L3MBTL1: variants seen among roughly 807,000 people sequenced by gnomAD.
L3MBTL1 encodes lethal(3)malignant brain tumor-like protein 1.
Under a neutral mutation model 105.3 loss-of-function variants are expected in L3MBTL1, and 75 were observed. The observed-to-expected ratio is 0.71, with a 90% CI of 0.59 to 0.86. The LOEUF (loss-of-function observed/expected upper bound fraction) is 0.86, where lower values mean the gene tolerates loss of function less well. Among genes scored for constraint, L3MBTL1 ranks in the 40% least tolerant of loss-of-function variants. The probability of loss-of-function intolerance (pLI) is 0.00; values close to 1 mark genes in which losing one functional copy is unlikely to be tolerated. For missense variants in L3MBTL1, 1,069 were observed against 1,126.4 expected, an observed-to-expected ratio of 0.95 and a Z score of 0.73; for synonymous variants, 452 against 436.2, an observed-to-expected ratio of 1.04 and a Z score of -0.45.
At chr20:43,540,851 G>C (rs1355191707) in intron 21 of L3MBTL1, 36 bp downstream of exon 21, 2 of 1,612,436 alleles carry the variant, frequency 1.2e-6, no homozygotes, top group Non-Finnish European at 1.7e-6. Flanking sequence ...ACAGAGCCGG[G>C]GTCACTGTCC....
rs2018210332 is a variant in L3MBTL1, at chr20:43,513,891, C to T, written c.190C>T (p.Pro64Ser). The T allele has an allele frequency of 6.4e-7, 1 of 1,550,616 alleles. No individual in the cohort carries two copies. Among genetic ancestry groups the T allele is most frequent in the Non-Finnish European group, 8.7e-7 (1 of 1,146,994 alleles). ...CAGTGCCCTGGATGTGTCTTGCTTTCCCCGGGAGCCAATCCATGTGGGTGC... is the reference window on the plus strand; with the variant it reads ...CAGTGCCCTGGATGTGTCTTGCTTTTCCCGGGAGCCAATCCATGTGGGTGC... ...PSSALDVSCF[P>S]REPIHVGAPE... Residue 64 changes from proline to serine, a missense_variant, in exon 3 of 22, where the codon CCC (proline) becomes TCC (serine). Coordinates refer to ENST00000418998, the MANE Select transcript of L3MBTL1 (RefSeq NM_001377303.1).
At position 43,510,406 on chromosome 20, in the gene L3MBTL1, C is replaced by CTTTTTTT. The variant is rs11476429; in HGVS notation, c.-29+2672_-29+2678dup. 1.8e-4 allele frequency among the ~76,000 whole-genome samples: 23 copies of CTTTTTTT among 127,574 alleles called. 1 individual carries two copies. The highest frequency in any genetic ancestry group is 7.3e-4 in the South Asian group (3 of 4,084). 83.7% of individuals were successfully genotyped at this position (127,574 alleles called of 152,430 possible). A position where few individuals can be genotyped will look rare whatever the true frequency, so the allele number is the denominator to read the frequency against. On this transcript the variant is annotated intron_variant, in intron 1 of 21. Coordinates refer to ENST00000418998, the MANE Select transcript of L3MBTL1 (RefSeq NM_001377303.1). ...TATAATTTTCTTTCTTTCTTTCTTT[C>CTTTTTTT]TTTTTTTTTTTTTTTTGAGGTGGAG...
chr20:43,508,571 C>T (rs887203611), intron 1 of L3MBTL1, among the ~76,000 whole-genome samples: 1 of 152,238 alleles, frequency 6.6e-6, no homozygotes, highest in Non-Finnish European at 1.5e-5. Flanking sequence ...TTGAGAAAAC[C>T]TTGTCAGACA....
intron 11 of L3MBTL1, 195 bp from the exon 12 acceptor site, chr20:43,532,578 A>G: frequency 1.8e-6 from 1 of 564,018 alleles, no homozygotes; most frequent in Non-Finnish European, 3.1e-6. Context: ...TGGAGGCCAG[A>G]GGTTCCTGAG....
intron 20 of L3MBTL1, 65 bp downstream of exon 20, chr20:43,540,373 T>G: frequency 6.3e-7 from 1 of 1,577,762 alleles, no homozygotes; most frequent in Non-Finnish European, 8.6e-7. Context: ...CATACCCTGG[T>G]GGAAAGGCCC....
At chr20:43,525,551 T>C (rs1424095659) in intron 7 of L3MBTL1, among the ~76,000 whole-genome samples, 4 of 131,812 alleles carry the variant, frequency 3.0e-5, no homozygotes, top group Non-Finnish European at 5.4e-5. Context: ...GCACAGATTA[T>C]ACAACCATAC....
intron 7 of L3MBTL1, among the ~76,000 whole-genome samples, chr20:43,518,948 C>A (rs2018558136): frequency 6.8e-6 from 1 of 147,480 alleles, no homozygotes; most frequent in African/African-American, 2.5e-5. Flanking sequence ...ATAGCTTGAA[C>A]CTGGGAGGAG....
intron 7 of L3MBTL1, among the ~76,000 whole-genome samples, chr20:43,517,737 G>A (rs556303476): frequency 2.0e-5 from 3 of 152,202 alleles, no homozygotes; most frequent in East Asian, 1.9e-4. Context: ...TGTCTTTCCC[G>A]TCCCACAGAG....
chr20:43,538,202 G>A (rs929898265), intron 19 of L3MBTL1, among the ~76,000 whole-genome samples: 1 of 152,132 alleles, frequency 6.6e-6, no homozygotes, highest in African/African-American at 2.4e-5. Context: ...AACTGCAGTG[G>A]GCACCTCTTG....
chr20:43,515,923 AG>A, intron 6 of L3MBTL1, 169 bp from the exon 7 acceptor site: 1 of 598,630 alleles, frequency 1.7e-6, no homozygotes, highest in Non-Finnish European at 3.0e-6. Flanking sequence ...CTCAAGTGAT[AG>A]GGGGATGTCT....
At chr20:43,548,452 A>C in exon 19 of L3MBTL1, 1 of 317,222 alleles carries the variant, frequency 3.2e-6, no homozygotes, top group Non-Finnish European at 6.1e-6. Context: ...CTCATTCGTC[A>C]CCAGGCATGT....
At chr20:43,535,012 C>A in intron 16 of L3MBTL1, 70 bp downstream of exon 16, 2 of 1,115,398 alleles carry the variant, frequency 1.8e-6, no homozygotes, top group Non-Finnish European at 2.6e-6. Flanking sequence ...AGTTTGCCTA[C>A]AGAGCTCTGA....
In L3MBTL1 at chr20:43,532,913, T is replaced by G. The variant is rs751409961; in HGVS notation, c.1425T>G (p.Thr475=). Residue 475 remains threonine, a synonymous_variant, in exon 12 of 22, where the codon ACT becomes ACG. Coordinates refer to ENST00000418998, the MANE Select transcript of L3MBTL1 (RefSeq NM_001377303.1). Reference sequence around the variant, plus strand: ...TGCACTTTGACAACTGGGATGATACTTATGACTACTGGTAGTAGGAGGGCC... The same window carrying G: ...TGCACTTTGACAACTGGGATGATACGTATGACTACTGGTAGTAGGAGGGCC... The part of the protein sequence containing the change: ...FLVHFDNWDD[T]YDYWCDPSSP... 7.4e-6 allele frequency: 12 copies of G among 1,613,996 alleles called. No individual in the cohort carries two copies. In the Admixed American group the frequency reaches 1.0e-4, roughly 13 times the overall value.
rs1600965299 is a variant in L3MBTL1, at chr20:43,540,695, C to G, written c.2332-58C>G. On this transcript the variant is annotated intron_variant, in intron 20 of 21. Coordinates refer to ENST00000418998, the MANE Select transcript of L3MBTL1 (RefSeq NM_001377303.1). ...GAAGCACCTAGGCTGTGGAGGCCAG[C>G]TCTCCCTACATGCCTAAGCTCTGTC... 8 of 1,532,738 alleles carry G rather than the reference C, an allele frequency of 5.2e-6. No homozygotes were observed. The South Asian group carries it at 9.0e-5, about 17-fold the overall frequency. The allele number at this position is 1,532,738 out of a possible 1,614,324, so 94.9% of individuals were successfully genotyped here.
chr20:43,546,011 T>C (rs1028166384), downstream of L3MBTL1, among the ~76,000 whole-genome samples: 3 of 152,242 alleles, frequency 2.0e-5, no homozygotes, highest in Admixed American at 6.5e-5. Context: ...ACCTGACTTA[T>C]GTCAGGTAAG....
chr20:43,544,858 C>T (rs1053172389), downstream of L3MBTL1, among the ~76,000 whole-genome samples: 8 of 151,912 alleles, frequency 5.3e-5, no homozygotes, highest in South Asian at 6.2e-4. Flanking sequence ...TCCAGCTACT[C>T]GGGAGGCTGT....
chr20:43,548,156 G>C (rs1978754952), exon 19 of L3MBTL1: 1 of 1,304,180 alleles, frequency 7.7e-7, no homozygotes, highest in Non-Finnish European at 1.0e-6. Flanking sequence ...GGCGGACATT[G>C]TGAAGATCAT....
chr20:43,517,895 A>G lies in L3MBTL1; in HGVS notation c.862+1718A>G, dbSNP rs143034266. Among the ~76,000 whole-genome samples, 309 of 152,206 alleles carry G rather than the reference A, an allele frequency of 2.0e-3. 4 individuals are homozygous for G. Among genetic ancestry groups the G allele is most frequent in the East Asian group, 0.01 (52 of 5,184 alleles). On this transcript the variant is annotated intron_variant, in intron 7 of 21. Coordinates refer to ENST00000418998, the MANE Select transcript of L3MBTL1 (RefSeq NM_001377303.1). The stretch of plus-strand genomic sequence containing the variant: ...CCCATTGTAGCTAAACCAGAACTTC[A>G]CTATTATGTCTCACCCATGGTATTC...
chr20:43,530,280 C>A lies in L3MBTL1; in HGVS notation c.1057-4C>A, dbSNP rs1199613020. On this transcript the variant is annotated splice_polypyrimidine_tract_variant and splice_region_variant and intron_variant, in intron 9 of 21. Transcript: ENST00000418998. ...GGAGTTCCTGATTCCCCTCATGGGG[C>A]CAGGTATGTGGCTATCGCCTACGCC... 3 of 1,613,662 alleles carry A rather than the reference C, an allele frequency of 1.9e-6. No homozygotes were observed. The Admixed American group carries it at 5.0e-5, about 27-fold the overall frequency.
Sources: allele counts gnomAD v4.1 joint callset (sites outside exome capture counted in the v4.1 genomes callset), GRCh38; gene constraint gnomAD v4.1.1; transcripts MANE v1.5; gene names NCBI Gene and HGNC (gene_info 2026-07-23, HGNC 2026-07-21).